The following NT5E variants were observed in gnomAD, a reference collection of about 807,000 sequenced individuals.
NT5E encodes 5'-nucleotidase.
Under a neutral mutation model 55.1 loss-of-function variants are expected in NT5E, and 53 were observed. That is an observed-to-expected ratio of 0.96 (90% CI 0.77 to 1.21). The LOEUF is 1.21. Ranked by LOEUF, NT5E falls within the 50% of genes most tolerant of loss-of-function variation. The pLI is 0.00. For missense variants in NT5E, 683 were observed against 724.3 expected, an observed-to-expected ratio of 0.94 and a Z score of 0.65; for synonymous variants, 270 against 278.4, an observed-to-expected ratio of 0.97 and a Z score of 0.30.
intron 3 of NT5E, among the ~76,000 whole-genome samples, chr6:85,473,609 G>A (rs564435228): frequency 2.9e-4 from 44 of 152,074 alleles, no homozygotes; most frequent in Non-Finnish European, 4.3e-4. Flanking sequence ...GTGTGTGTGC[G>A]TTCACATACG....
At chr6:85,486,555 A>G (rs1437998853) in intron 4 of NT5E, among the ~76,000 whole-genome samples, 2 of 152,114 alleles carry the variant, frequency 1.3e-5, no homozygotes, top group Non-Finnish European at 2.9e-5. Context: ...AGCTATGAAC[A>G]TCTGCTTTTC....
In NT5E at chr6:85,494,214, T is replaced by G; in HGVS notation, c.*210T>G. ...TAGAAAAAAAATTAACATAGGGCCC[T>G]ATAAGGAGAAAGCCAACTATGTTAA... On this transcript the variant is annotated 3_prime_UTR_variant, in exon 9 of 9. Transcript: ENST00000257770. 401 of 527,280 alleles carry G rather than the reference T, an allele frequency of 7.6e-4. No individual in the cohort carries two copies. Among genetic ancestry groups the G allele is most frequent in the East Asian group, 1.0e-3 (31 of 30,496 alleles). 32.7% of individuals were successfully genotyped at this position (527,280 alleles called of 1,614,324 possible).
intron 1 of NT5E, among the ~76,000 whole-genome samples, chr6:85,453,033 C>T (rs776875985): frequency 1.2e-4 from 19 of 152,150 alleles, no homozygotes; most frequent in Non-Finnish European, 2.1e-4. Context: ...AGGAGGTGTA[C>T]ACTTTCTAGA....
rs1230913638 is a variant in NT5E, at chr6:85,494,300, TCATATC to T, written c.*300_*305del. 8.1e-6 allele frequency: 3 copies of T among 368,380 alleles called. No individual in the cohort carries two copies. The highest frequency in any genetic ancestry group is 6.2e-5 in the African/African-American group (3 of 48,598). The allele number at this position is 368,380 out of a possible 1,614,324, so 22.8% of individuals were successfully genotyped here. A position where few individuals can be genotyped will look rare whatever the true frequency, so the allele number is the denominator to read the frequency against. The stretch of plus-strand genomic sequence containing the variant: ...CAATTTTAAACCATATTTTTCTTCT[TCATATC>T]CATTTCTAATCCATCAAACAGCTTA... On this transcript the variant is annotated 3_prime_UTR_variant, in exon 9 of 9. Transcript: ENST00000257770.
chr6:85,460,595 A>T (rs1250490677), intron 1 of NT5E, among the ~76,000 whole-genome samples: 1 of 152,202 alleles, frequency 6.6e-6, no homozygotes, highest in African/African-American at 2.4e-5. Context: ...AGTCACACTG[A>T]AACTCTGCTG....
intron 1 of NT5E, among the ~76,000 whole-genome samples, chr6:85,463,047 A>C (rs2127755532): frequency 6.6e-6 from 1 of 152,232 alleles, no homozygotes. Flanking sequence ...GAGTGTGGAA[A>C]GTTTCTTTCA....
At position 85,487,863 on chromosome 6, in the gene NT5E, C is replaced by G. The variant is rs143064828; in HGVS notation, c.1104+374C>G. Among the ~76,000 whole-genome samples the G allele has an allele frequency of 4.0e-3, 615 of 152,294 alleles. 3 individuals are homozygous for G. Among genetic ancestry groups the G allele is most frequent in the African/African-American group, 0.014 (585 of 41,560 alleles). ...TGCTGGAAGGAGATCAGGTAACCAC[C>G]AACATACTGCTTTACAAGAACTAAA... is the stretch of plus-strand genomic sequence containing the variant. On this transcript the variant is annotated intron_variant, in intron 5 of 8. Coordinates refer to ENST00000257770, the MANE Select transcript of NT5E (RefSeq NM_002526.4).
intron 1 of NT5E, among the ~76,000 whole-genome samples, chr6:85,453,098 C>A (rs1454366165): frequency 2.0e-5 from 3 of 152,116 alleles, no homozygotes; most frequent in African/African-American, 7.2e-5. Flanking sequence ...CTGGAGACCC[C>A]CTGGAACCAC....
chr6:85,491,342 T>C (rs1413119238), intron 7 of NT5E: 1 of 338,414 alleles, frequency 3.0e-6, no homozygotes, highest in Non-Finnish European at 5.8e-6. Flanking sequence ...TCTGGCCTCA[T>C]TTTTTTAACC....
intron 1 of NT5E, among the ~76,000 whole-genome samples, chr6:85,464,404 A>G (rs935965127): frequency 5.3e-5 from 8 of 152,004 alleles, no homozygotes; most frequent in Admixed American, 4.6e-4. Context: ...TTATTCATTC[A>G]CTGCCATTCC....
At chr6:85,486,410 A>C (rs546086018) in intron 4 of NT5E, among the ~76,000 whole-genome samples, 65 of 152,302 alleles carry the variant, frequency 4.3e-4, no homozygotes, top group Non-Finnish European at 7.2e-4. Flanking sequence ...AGAGGGGAGT[A>C]CGCCTTAACC....
intron 3 of NT5E, among the ~76,000 whole-genome samples, chr6:85,476,829 G>C (rs139973824): frequency 7.0e-4 from 106 of 152,220 alleles, no homozygotes; most frequent in African/African-American, 2.5e-3. Context: ...CCAGTGTCAA[G>C]CTTCTTCTCT....
chr6:85,466,230 T>C (rs1769190410), intron 1 of NT5E, among the ~76,000 whole-genome samples: 1 of 152,118 alleles, frequency 6.6e-6, no homozygotes, highest in South Asian at 2.1e-4. Flanking sequence ...GGTGGTTTTG[T>C]ACCCAGCAGC....
intron 4 of NT5E, among the ~76,000 whole-genome samples, chr6:85,485,952 A>C (rs1769648565): frequency 6.6e-6 from 1 of 152,188 alleles, no homozygotes; most frequent in African/African-American, 2.4e-5. Context: ...GCAGATTGGC[A>C]GGTTGAGAAA....
chr6:85,473,348 T>C lies in NT5E; in HGVS notation c.751+1923T>C, dbSNP rs540334417. The stretch of plus-strand genomic sequence containing the variant: ...TATGTGTAATGAATGTATAGGTAAA[T>C]GGCCTTAGCACAGGGCCTAGTATGT... On this transcript the variant is annotated intron_variant, in intron 3 of 8. Coordinates refer to ENST00000257770, the MANE Select transcript of NT5E (RefSeq NM_002526.4). Among the ~76,000 whole-genome samples, 257 of 152,276 alleles carry C rather than the reference T, an allele frequency of 1.7e-3. 1 individual carries two copies. The highest frequency in any genetic ancestry group is 5.7e-3 in the African/African-American group (237 of 41,554).
rs142909102 is a variant in NT5E, at chr6:85,450,241, C to A, written c.102C>A (p.Thr34=). The part of the protein sequence containing the change: ...AGAWELTILH[T]NDVHSRLEQT... Reference sequence around the variant, plus strand: ...CCTGGGAGCTTACGATTTTGCACACCAACGACGTGCACAGCCGGCTGGAGC... The same window carrying A: ...CCTGGGAGCTTACGATTTTGCACACAAACGACGTGCACAGCCGGCTGGAGC... The change falls in exon 1 of 9, where the codon ACC becomes ACA. Residue 34 remains threonine (T), a synonymous_variant. Coordinates refer to ENST00000257770, the MANE Select transcript of NT5E (RefSeq NM_002526.4). This position sits in a 1 kb window ranked among gnomAD's most constrained non-coding sequence, Gnocchi z 4.0. The A allele has an allele frequency of 6.2e-7, 1 of 1,609,946 alleles. No individual in the cohort carries two copies. Among genetic ancestry groups the A allele is most frequent in the East Asian group, 2.2e-5 (1 of 44,758 alleles).
intron 1 of NT5E, among the ~76,000 whole-genome samples, chr6:85,456,185 A>G (rs1205452595): frequency 6.6e-6 from 1 of 152,180 alleles, no homozygotes; most frequent in Non-Finnish European, 1.5e-5. Context: ...GTTGGTGAAC[A>G]TATTGAGGTG....
At chr6:85,476,738 C>G (rs899435520) in intron 3 of NT5E, among the ~76,000 whole-genome samples, 1 of 152,130 alleles carries the variant, frequency 6.6e-6, no homozygotes, top group Non-Finnish European at 1.5e-5. Flanking sequence ...GTGTCTCCCC[C>G]TGGAGTTAGG....
intron 3 of NT5E, among the ~76,000 whole-genome samples, chr6:85,484,639 A>G (rs1197641041): frequency 6.6e-6 from 1 of 152,168 alleles, no homozygotes; most frequent in Non-Finnish European, 1.5e-5. Flanking sequence ...GCTCTTTGTC[A>G]TCTCTGCATC....
Sources: allele counts gnomAD v4.1 joint callset (sites outside exome capture counted in the v4.1 genomes callset), GRCh38; gene constraint gnomAD v4.1.1; non-coding constraint Gnocchi (gnomAD v3.1); transcripts MANE v1.5; gene names NCBI Gene and HGNC (gene_info 2026-07-23, HGNC 2026-07-21).